PDE10A: variants seen among roughly 807,000 people sequenced by gnomAD.
PDE10A encodes the protein cAMP and cAMP-inhibited cGMP 3',5'-cyclic phosphodiesterase 10A.
In PDE10A, 39 loss-of-function variants were observed where a neutral mutation model predicts 97.7. The ratio of observed to expected loss-of-function variants is 0.40; its 90% CI spans 0.31 to 0.52. PDE10A has a LOEUF of 0.52. Ranked by LOEUF, PDE10A falls within the 20% of genes least tolerant of loss-of-function variation. The pLI, the probability that PDE10A is intolerant of heterozygous loss-of-function variation, is 0.56. For synonymous variants in PDE10A, 371 were observed against 376.8 expected, an observed-to-expected ratio of 0.98 and a Z score of 0.18; for missense variants, 731 against 1,047.8, an observed-to-expected ratio of 0.70 and a Z score of 4.17.
chr6:165,550,280 T>C (rs985039295), intron 1 of PDE10A, among the ~76,000 whole-genome samples: 11 of 152,188 alleles, frequency 7.2e-5, no homozygotes, highest in Admixed American at 6.5e-5. Flanking sequence ...GAAAAACCTT[T>C]AAAAAAATTC....
At chr6:165,491,896 A>T (rs1780249664) in intron 2 of PDE10A, among the ~76,000 whole-genome samples, 1 of 152,154 alleles carries the variant, frequency 6.6e-6, no homozygotes, top group Non-Finnish European at 1.5e-5. Flanking sequence ...CAAAAAAACA[A>T]ATACAAAGAT....
In PDE10A at chr6:165,333,197, C is replaced by G. The variant is rs1358096455; in HGVS notation, c.3066-70G>C. ...TTCTGGACTTTGTCTTGAAAACTAACCAAACAGTCCTGTGGCACAGCTCTG... is the reference window on the plus strand; with the variant it reads ...TTCTGGACTTTGTCTTGAAAACTAAGCAAACAGTCCTGTGGCACAGCTCTG... On this transcript the variant is annotated intron_variant, in intron 21 of 21. Transcript: ENST00000539869. The G allele has an allele frequency of 6.4e-6, 6 of 943,270 alleles. No individual in the cohort carries two copies. In the African/African-American group the frequency reaches 8.0e-5, roughly 13 times the overall value. The allele number at this position is 943,270 out of a possible 1,614,324, so 58.4% of individuals were successfully genotyped here. A position where few individuals can be genotyped will look rare whatever the true frequency, so the allele number is the denominator to read the frequency against.
At chr6:165,539,927 A>AAAACAATCAATC (rs1783328008) in intron 2 of PDE10A, among the ~76,000 whole-genome samples, 1 of 151,626 alleles carries the variant, frequency 6.6e-6, no homozygotes, top group African/African-American at 2.4e-5. Context: ...CTTTGCTCAA[A>AAAACAATCAATC]AATCAATCAA....
intron 2 of PDE10A, among the ~76,000 whole-genome samples, chr6:165,511,671 TATTA>T (rs1356234840): frequency 2.6e-5 from 4 of 152,026 alleles, no homozygotes; most frequent in Non-Finnish European, 5.9e-5. Flanking sequence ...GATCTAGTAA[TATTA>T]GCTTTATGAA....
At chr6:165,364,484 C>T (rs556939985) in intron 18 of PDE10A, among the ~76,000 whole-genome samples, 5 of 152,096 alleles carry the variant, frequency 3.3e-5, no homozygotes, top group African/African-American at 7.2e-5. Flanking sequence ...TATGGTATTT[C>T]GTTATAATAG....
chr6:165,613,438 G>A (rs1028060526), intron 1 of PDE10A, among the ~76,000 whole-genome samples: 5 of 152,032 alleles, frequency 3.3e-5, no homozygotes, highest in South Asian at 2.1e-4. Flanking sequence ...TCAGAAGTTC[G>A]AGACCAGCCT....
intron 1 of PDE10A, among the ~76,000 whole-genome samples, chr6:165,580,274 AC>A (rs991148476): frequency 2.9e-4 from 44 of 152,248 alleles, no homozygotes; most frequent in African/African-American, 9.9e-4. Context: ...TAGAAATGAA[AC>A]CTGAGCTGAG....
chr6:165,931,368 G>A (rs1029982671), intron 1 of PDE10A, among the ~76,000 whole-genome samples: 11 of 152,182 alleles, frequency 7.2e-5, no homozygotes, highest in African/African-American at 2.2e-4. Flanking sequence ...TGTTCAACAC[G>A]TATTTATTGA....
chr6:165,804,938 C>T (rs1404245849), intron 1 of PDE10A, among the ~76,000 whole-genome samples: 3 of 139,776 alleles, frequency 2.1e-5, no homozygotes, highest in African/African-American at 8.2e-5. Context: ...CATGGAGGGA[C>T]GTGGGGAGCA....
intron 2 of PDE10A, among the ~76,000 whole-genome samples, chr6:165,525,772 C>T (rs1360450132): frequency 6.6e-6 from 1 of 152,054 alleles, no homozygotes; most frequent in Non-Finnish European, 1.5e-5. Context: ...GGTGTAGATA[C>T]TATAATGGAC....
chr6:165,602,978 C>A (rs1787036763), intron 1 of PDE10A, among the ~76,000 whole-genome samples: 2 of 152,120 alleles, frequency 1.3e-5, no homozygotes, highest in Non-Finnish European at 1.5e-5. Flanking sequence ...CATGTAACAT[C>A]AGAGTTCTTT....
At chr6:165,392,832 T>G (rs372686190) in intron 15 of PDE10A, 36 bp from the exon 16 acceptor site, 13 of 1,600,120 alleles carry the variant, frequency 8.1e-6, no homozygotes, top group Non-Finnish European at 1.1e-5. Context: ...CTGAAACCAG[T>G]AGAGAATCAC....
At chr6:165,591,605 A>G (rs571974515) in intron 1 of PDE10A, among the ~76,000 whole-genome samples, 1 of 152,348 alleles carries the variant, frequency 6.6e-6, no homozygotes, top group South Asian at 2.1e-4. Flanking sequence ...CTTTGCCAAA[A>G]GGCAATGTCA....
intron 17 of PDE10A, among the ~76,000 whole-genome samples, chr6:165,383,898 G>A (rs1785085407): frequency 6.6e-6 from 1 of 152,144 alleles, no homozygotes; most frequent in Non-Finnish European, 1.5e-5. Flanking sequence ...TCATGCCTGA[G>A]TGGGGGGCCA....
At chr6:165,502,556 T>A (rs576112769) in intron 2 of PDE10A, among the ~76,000 whole-genome samples, 1 of 152,174 alleles carries the variant, frequency 6.6e-6, no homozygotes, top group Non-Finnish European at 1.5e-5. Flanking sequence ...AAAAGAGATA[T>A]CACCAAGTAC....
chr6:165,706,392 G>T (rs1034419505), intron 1 of PDE10A, among the ~76,000 whole-genome samples: 1 of 151,852 alleles, frequency 6.6e-6, no homozygotes, highest in Non-Finnish European at 1.5e-5. Flanking sequence ...AGAAACATTC[G>T]GGTTGCTAGA....
Position 165,662,187 on chromosome 6 carries a change from C to T in PDE10A, c.625G>A (p.Ala209Thr). 4.2e-6 allele frequency: 1 copy of T among 239,658 alleles called. No individual in the cohort carries two copies. Among genetic ancestry groups the T allele is most frequent in the East Asian group, 1.9e-4 (1 of 5,388 alleles). The allele number at this position is 239,658 out of a possible 1,614,324, so 14.8% of individuals were successfully genotyped here. A position where few individuals can be genotyped will look rare whatever the true frequency, so the allele number is the denominator to read the frequency against. Residue 209 changes from alanine to threonine, a missense_variant, in exon 1 of 22, where the codon GCC (alanine) becomes ACC (threonine). Physicochemically the swap from Ala to Thr is moderately conservative, Grantham distance 58 (BLOSUM62 0). Around this residue, in one of 8 missense-constraint regions of PDE10A, gnomAD observed 181 missense variants for 159.1 expected, o/e 1.14. Transcript: ENST00000539869. The stretch of plus-strand genomic sequence containing the variant: ...GGCGGCGGCGGCGGCCGGGGACCGG[C>T]ACGGGCTGGAAGCAGCAAGCCCTGG... ...ALQGLLLPARAGPRPPPPPRL... is the reference protein window; with the variant it reads ...ALQGLLLPARTGPRPPPPPRL...
chr6:165,853,807 T>C (rs998136524), intron 1 of PDE10A, among the ~76,000 whole-genome samples: 1 of 152,136 alleles, frequency 6.6e-6, no homozygotes, highest in African/African-American at 2.4e-5. Context: ...AGAAAGTAAA[T>C]TTCTGTGAAT....
intron 1 of PDE10A, among the ~76,000 whole-genome samples, chr6:165,594,482 T>C (rs1786468324): frequency 6.6e-6 from 1 of 152,142 alleles, no homozygotes; most frequent in African/African-American, 2.4e-5. Context: ...CACGAGTCCT[T>C]AATGATACCC....
Sources: gnomAD v4.1 joint callset for allele counts (sites outside exome capture counted in the v4.1 genomes callset) on GRCh38, gnomAD v4.1.1 for gene constraint, gnomAD v4.1.1 regional missense constraint, MANE v1.5 for transcripts, NCBI Gene and HGNC (gene_info 2026-07-23, HGNC 2026-07-21) for gene names.